The following ZBTB34 variants were observed in gnomAD, a reference collection of about 807,000 sequenced individuals.
ZBTB34 encodes the protein zinc finger and BTB domain-containing protein 34.
In ZBTB34, 1 loss-of-function variant was observed where a neutral mutation model predicts 33.4. The observed-to-expected ratio is 0.03, with a 90% CI of 0.01 to 0.14. ZBTB34 has a LOEUF of 0.14. Among genes scored for constraint, ZBTB34 ranks in the 10% least tolerant of loss-of-function variants. The pLI is 1.00. For missense variants in ZBTB34, 406 were observed against 657.2 expected (o/e 0.62, Z 4.18); for synonymous variants, 283 against 253.5 (o/e 1.12, Z -1.11).
chr9:126,882,028 G>C, exon 2 of ZBTB34: 1 of 166,898 alleles, frequency 6.0e-6, no homozygotes. Context: ...TCTACATGCA[G>C]TTCCCAGGGA....
intron 1 of ZBTB34, among the ~76,000 whole-genome samples, chr9:126,876,923 C>A (rs975265741): frequency 6.6e-6 from 1 of 152,152 alleles, no homozygotes; most frequent in Admixed American, 6.5e-5. Context: ...ATGATCTAGG[C>A]ACATTTAACT....
At chr9:126,862,112 T>A (rs2033150191) in intron 1 of ZBTB34, among the ~76,000 whole-genome samples, 1 of 151,552 alleles carries the variant, frequency 6.6e-6, no homozygotes, top group African/African-American at 2.4e-5. Context: ...GTAGGCCGAG[T>A]GGTTAGGGAG....
Position 126,864,651 on chromosome 9 carries a change from AT to A in ZBTB34, c.-11+3922del, listed in dbSNP as rs993264476. On this transcript the variant is annotated intron_variant, in intron 1 of 1. Transcript: ENST00000319119. ...TCCATCACAGAATGCCATTTTATTT[AT>A]TTTTTTTTTCTTGCATTGGGTTTCA... Among the ~76,000 whole-genome samples the A allele has an allele frequency of 2.5e-3, 380 of 149,430 alleles. 2 individuals carry two copies. The highest frequency in any genetic ancestry group is 8.8e-3 in the African/African-American group (358 of 40,684).
exon 2 of ZBTB34, chr9:126,884,008 G>A (rs1419475505): frequency 6.0e-6 from 1 of 167,038 alleles, no homozygotes; most frequent in Non-Finnish European, 1.5e-5. Flanking sequence ...ACTCTTTTTG[G>A]AAAGCAAAGT....
chr9:126,867,185 C>T (rs946308283), intron 1 of ZBTB34, among the ~76,000 whole-genome samples: 6 of 131,284 alleles, frequency 4.6e-5, no homozygotes, highest in Non-Finnish European at 9.5e-5. Flanking sequence ...TCTCATATGT[C>T]TCTCTTACAC....
rs762818182 is a variant in ZBTB34 at position 126,880,956 on chromosome 9, G to A, written c.*42G>A. 2.0e-5 allele frequency: 31 copies of A among 1,536,292 alleles called. No homozygotes were observed. Among genetic ancestry groups the A allele is most frequent in the Non-Finnish European group, 2.6e-5 (30 of 1,136,440 alleles). ...ACCCAAACAAAGCACATTAATCAAT[G>A]CATATTTGTGATTTGCTTTGTTGTA... On this transcript the variant is annotated 3_prime_UTR_variant, in exon 2 of 2. Transcript: ENST00000319119. This position sits in a 1 kb window ranked among gnomAD's most constrained non-coding sequence, Gnocchi z 6.7.
chr9:126,880,897 T>G lies in ZBTB34; in HGVS notation c.1498T>G (p.Ser500Ala). Reference sequence around the variant, plus strand: ...TTCCCGGATGGAAATTCACACAGTGTCTGATGCTCCCGATTAAGATGGTAA... The same window carrying G: ...TTCCCGGATGGAAATTCACACAGTGGCTGATGCTCCCGATTAAGATGGTAA... Residue 500 changes from serine to alanine, a missense_variant, in exon 2 of 2, where the codon TCT becomes GCT. Physicochemically the swap from Ser to Ala is moderately conservative, Grantham distance 99. Coordinates refer to ENST00000319119, the Ensembl canonical transcript of ZBTB34. The surrounding 1 kb of genome is among the most constrained non-coding windows in gnomAD (Gnocchi z 6.7). 1 of 1,609,812 alleles carries G rather than the reference T, an allele frequency of 6.2e-7. No individual in the cohort carries two copies.
exon 1 of ZBTB34, chr9:126,860,683 C>A (rs887033924): frequency 6.9e-6 from 1 of 145,270 alleles, no homozygotes; most frequent in African/African-American, 2.5e-5. Flanking sequence ...GGCCTGGCGC[C>A]GGCGGCGGCG....
rs189890166 is a variant in ZBTB34, at chr9:126,879,726, A to G, written c.327A>G (p.Ala109=). The G allele has an allele frequency of 9.2e-4, 1,486 of 1,613,566 alleles. 9 individuals are homozygous for G. The highest frequency in any genetic ancestry group is 1.0e-4 in the Non-Finnish European group (119 of 1,179,898). Residue 109 remains alanine, a synonymous_variant, in exon 2 of 2, where the codon GCA becomes GCG. Coordinates refer to ENST00000319119, the Ensembl canonical transcript of ZBTB34. The surrounding 1 kb of genome is among the most constrained non-coding windows in gnomAD (Gnocchi z 6.4). ...AGGATGTTGTCAGTTTTCTGACTGCAGCCAGCTTTCTTCAGATGCAGTGTG... is the reference window on the plus strand; with the variant it reads ...AGGATGTTGTCAGTTTTCTGACTGCGGCCAGCTTTCTTCAGATGCAGTGTG...
At chr9:126,863,691 T>C (rs1458512526) in intron 1 of ZBTB34, 1 of 985,414 alleles carries the variant, frequency 1.0e-6, no homozygotes, top group East Asian at 1.1e-4. Flanking sequence ...AAGGAAAACC[T>C]CATGGAAGAA....
chr9:126,874,036 CTTTTTTTTTTT>C (rs781115278), intron 1 of ZBTB34, among the ~76,000 whole-genome samples: 4 of 66,070 alleles, frequency 6.1e-5, no homozygotes, highest in East Asian at 5.4e-4. Context: ...TGTGTATGTT[CTTTTTTTTTTT>C]TTTTTTTTTT....
intron 1 of ZBTB34, among the ~76,000 whole-genome samples, chr9:126,864,843 T>G (rs549824118): frequency 6.6e-6 from 1 of 152,346 alleles, no homozygotes; most frequent in South Asian, 2.1e-4. Context: ...CCATGCCTTT[T>G]GTCTGCGGTG....
At chr9:126,874,686 C>T (rs1483726797) in intron 1 of ZBTB34, among the ~76,000 whole-genome samples, 2 of 152,146 alleles carry the variant, frequency 1.3e-5, no homozygotes, top group East Asian at 1.9e-4. Context: ...CTGCCCCTTG[C>T]GCCTTGTTCC....
intron 1 of ZBTB34, among the ~76,000 whole-genome samples, chr9:126,866,406 A>G (rs576916073): frequency 3.9e-5 from 6 of 152,078 alleles, no homozygotes; most frequent in Non-Finnish European, 5.9e-5. Context: ...TTCTCCTTCC[A>G]TGGCCTTCCT....
intron 1 of ZBTB34, among the ~76,000 whole-genome samples, chr9:126,868,774 G>C (rs2033241060): frequency 6.6e-6 from 1 of 152,140 alleles, no homozygotes; most frequent in Admixed American, 6.5e-5. Flanking sequence ...TCTGCTCTCT[G>C]TGACTTTCAC....
intron 1 of ZBTB34, among the ~76,000 whole-genome samples, chr9:126,861,019 G>A (rs931943051): frequency 2.0e-5 from 3 of 151,938 alleles, no homozygotes; most frequent in Admixed American, 6.6e-5. Context: ...CCGCTGGCCC[G>A]GCTGAGGGTC....
At chr9:126,869,137 GC>G (rs2033245987) in intron 1 of ZBTB34, among the ~76,000 whole-genome samples, 2 of 152,222 alleles carry the variant, frequency 1.3e-5, no homozygotes, top group South Asian at 4.1e-4. Flanking sequence ...TTACTAAAAT[GC>G]CCTCATTTGC....
In ZBTB34 at chr9:126,879,475, C is replaced by T. The variant is rs1309896099; in HGVS notation, c.76C>T (p.Leu26=). Residue 26 remains leucine (L), a synonymous_variant, in exon 2 of 2, where the codon CTA becomes TTA. Coordinates refer to ENST00000319119, the Ensembl canonical transcript of ZBTB34. This position sits in a 1 kb window ranked among gnomAD's most constrained non-coding sequence, Gnocchi z 6.4. Reference sequence around the variant, plus strand: ...GTACAGCAGCACCGTTCTGAGCCAGCTAAACGAACTCCGCCTGCAGGGGAA... The same window carrying T: ...GTACAGCAGCACCGTTCTGAGCCAGTTAAACGAACTCCGCCTGCAGGGGAA... The T allele has an allele frequency of 6.2e-7, 1 of 1,613,900 alleles. No homozygotes were observed.
At chr9:126,862,239 C>T (rs1271838105) in intron 1 of ZBTB34, among the ~76,000 whole-genome samples, 1 of 152,096 alleles carries the variant, frequency 6.6e-6, no homozygotes, top group African/African-American at 2.4e-5. Flanking sequence ...AGTCTCCTGG[C>T]AGAGAAGGGT....
Sources: allele counts gnomAD v4.1 joint callset (sites outside exome capture counted in the v4.1 genomes callset), GRCh38; gene constraint gnomAD v4.1.1; non-coding constraint Gnocchi (gnomAD v3.1); transcripts MANE v1.5; gene names NCBI Gene and HGNC (gene_info 2026-07-23, HGNC 2026-07-21).